Variants in GRAMD1C observed in about 807,000 individuals in gnomAD.
GRAMD1C encodes the protein GRAM domain containing 1C.
Under a neutral mutation model 97.8 loss-of-function variants are expected in GRAMD1C, and 89 were observed. The observed-to-expected ratio is 0.91, with a 90% CI of 0.77 to 1.09. The LOEUF (loss-of-function observed/expected upper bound fraction) is 1.09. Among genes scored for constraint, GRAMD1C ranks in the 50% least tolerant of loss-of-function variants. The pLI is 0.00. For synonymous variants in GRAMD1C, 256 were observed against 267.0 expected, an observed-to-expected ratio of 0.96 and a Z score of 0.40; for missense variants, 740 against 766.4, an observed-to-expected ratio of 0.97 and a Z score of 0.41.
chr3:113,931,555 C>G (rs1937423416), intron 11 of GRAMD1C, among the ~76,000 whole-genome samples: 1 of 151,986 alleles, frequency 6.6e-6, no homozygotes, highest in Non-Finnish European at 1.5e-5. Flanking sequence ...GACGGGGTTT[C>G]AGCATGTTGG....
In GRAMD1C at chr3:113,945,604, A is replaced by C. The variant is rs1000575504; in HGVS notation, c.*126A>C. The stretch of plus-strand genomic sequence containing the variant: ...TTTTTTCATTATTGAGATTTCTAAT[A>C]TGAACATTTCTTTCAGTAACATTTA... On this transcript the variant is annotated 3_prime_UTR_variant, in exon 18 of 18. Transcript: ENST00000358160. 13 of 606,176 alleles carry C rather than the reference A, an allele frequency of 2.1e-5. No individual in the cohort carries two copies. Among genetic ancestry groups the C allele is most frequent in the Middle Eastern group, 5.1e-4 (2 of 3,942 alleles). 37.5% of individuals were successfully genotyped at this position (606,176 alleles called of 1,614,324 possible). A position where few individuals can be genotyped will look rare whatever the true frequency, so the allele number is the denominator to read the frequency against.
intron 3 of GRAMD1C, among the ~76,000 whole-genome samples, chr3:113,870,947 G>C (rs1272843916): frequency 7.2e-6 from 1 of 138,106 alleles, no homozygotes; most frequent in Non-Finnish European, 1.5e-5. Context: ...CGAGACCTTG[G>C]CTCAACAAAT....
At chr3:113,899,594 T>C (rs1936072198) in intron 6 of GRAMD1C, among the ~76,000 whole-genome samples, 2 of 152,232 alleles carry the variant, frequency 1.3e-5, no homozygotes, top group Admixed American at 6.5e-5. Context: ...AGAGAGATTA[T>C]CTTACTAACA....
Position 113,838,832 on chromosome 3 carries a change from A to C in GRAMD1C, c.-78A>C. 2 of 1,079,174 alleles carry C rather than the reference A, an allele frequency of 1.9e-6. No homozygotes were observed. The highest frequency in any genetic ancestry group is 2.4e-6 in the Non-Finnish European group (2 of 850,848). The allele number at this position is 1,079,174 out of a possible 1,614,324, so 66.8% of individuals were successfully genotyped here. A position where few individuals can be genotyped will look rare whatever the true frequency, so the allele number is the denominator to read the frequency against. On this transcript the variant is annotated 5_prime_UTR_variant, in exon 1 of 18. Transcript: ENST00000358160. ...GAGGCGCGCGGAGCCTGTAACTCGC[A>C]GCGCGCGCTGGAGGTGGGCGCGGGG...
chr3:113,858,848 T>C (rs1377915583), intron 2 of GRAMD1C, among the ~76,000 whole-genome samples: 1 of 152,176 alleles, frequency 6.6e-6, no homozygotes, highest in Non-Finnish European at 1.5e-5. Context: ...TGTGAGCCAC[T>C]GTGCCTGGCC....
chr3:113,881,776 G>A (rs1935272159), intron 5 of GRAMD1C, among the ~76,000 whole-genome samples: 1 of 152,140 alleles, frequency 6.6e-6, no homozygotes, highest in South Asian at 2.1e-4. Context: ...AGCATGTATT[G>A]ATTGTTAGAT....
At chr3:113,918,196 G>A (rs959280379) in intron 10 of GRAMD1C, among the ~76,000 whole-genome samples, 2 of 152,074 alleles carry the variant, frequency 1.3e-5, no homozygotes, top group Non-Finnish European at 2.9e-5. Flanking sequence ...AATGTGGGAT[G>A]CCTGAGATAT....
At chr3:113,888,151 C>T (rs770296357) in intron 6 of GRAMD1C, among the ~76,000 whole-genome samples, 7 of 152,136 alleles carry the variant, frequency 4.6e-5, no homozygotes, top group Non-Finnish European at 1.0e-4. Context: ...TACCTTGATA[C>T]CAAAACCAGA....
chr3:113,879,014 G>C (rs2107392480), intron 5 of GRAMD1C, among the ~76,000 whole-genome samples: 1 of 152,166 alleles, frequency 6.6e-6, no homozygotes, highest in Non-Finnish European at 1.5e-5. Context: ...AGACCAGCCT[G>C]GCCAAAATGG....
Position 113,879,689 on chromosome 3 carries a change from C to CTTTT in GRAMD1C, c.460-3045_460-3042dup, listed in dbSNP as rs1187587255. 6.1e-5 allele frequency among the ~76,000 whole-genome samples: 8 copies of CTTTT among 131,954 alleles called. No individual in the cohort carries two copies. The East Asian group carries it at 1.3e-3, about 21-fold the overall frequency. The allele number at this position is 131,954 out of a possible 152,430, so 86.6% of individuals were successfully genotyped here. A position where few individuals can be genotyped will look rare whatever the true frequency, so the allele number is the denominator to read the frequency against. ...ACACTCCACACGGGATGACCTCTTC[C>CTTTT]TTTTTTTTTTTTTTTTTTTTTGAGA... is the stretch of plus-strand genomic sequence containing the variant. On this transcript the variant is annotated intron_variant, in intron 5 of 17. Coordinates refer to ENST00000358160, the MANE Select transcript of GRAMD1C (RefSeq NM_017577.5).
At chr3:113,913,230 C>A (rs901158476) in intron 9 of GRAMD1C, 1 of 527,202 alleles carries the variant, frequency 1.9e-6, no homozygotes, top group Non-Finnish European at 3.3e-6. Context: ...AATGGTCCTT[C>A]CAAAGTAGTT....
At chr3:113,836,936 G>C (rs1055725240), upstream of GRAMD1C, among the ~76,000 whole-genome samples, 3 of 151,898 alleles carry the variant, frequency 2.0e-5, no homozygotes, top group Admixed American at 2.0e-4. Flanking sequence ...GAGCCACCAC[G>C]CCCAGCTGCC....
intron 6 of GRAMD1C, among the ~76,000 whole-genome samples, chr3:113,888,907 A>G (rs931022216): frequency 1.3e-5 from 2 of 152,248 alleles, no homozygotes; most frequent in Non-Finnish European, 2.9e-5. Context: ...ATTAATGTAT[A>G]AATAAAATGT....
intron 2 of GRAMD1C, among the ~76,000 whole-genome samples, chr3:113,852,028 C>G (rs548163071): frequency 1.3e-5 from 2 of 152,206 alleles, no homozygotes; most frequent in Non-Finnish European, 2.9e-5. Context: ...ACCACCACTC[C>G]CGGCCTATTC....
In GRAMD1C at chr3:113,838,792, G is replaced by C. The variant is rs533689218; in HGVS notation, c.-118G>C. 5.5e-5 allele frequency: 36 copies of C among 652,932 alleles called. No homozygotes were observed. In the African/African-American group the frequency reaches 6.6e-4, roughly 12 times the overall value. 40.4% of individuals were successfully genotyped at this position (652,932 alleles called of 1,614,324 possible). On this transcript the variant is annotated 5_prime_UTR_variant, in exon 1 of 18. Transcript: ENST00000358160. The stretch of plus-strand genomic sequence containing the variant: ...CAAGGAGCTGCGGCTGGAAGTACTC[G>C]GAGGGCCGGCGGAGGAGGCGCGCGG...
At position 113,878,122 on chromosome 3, in the gene GRAMD1C, C is replaced by T. The variant is rs79167684; in HGVS notation, c.459+1862C>T. Among the ~76,000 whole-genome samples, 886 of 152,244 alleles carry T rather than the reference C, an allele frequency of 5.8e-3. 21 individuals carry two copies. Among genetic ancestry groups the T allele is most frequent in the East Asian group, 0.038 (196 of 5,184 alleles). On this transcript the variant is annotated intron_variant, in intron 5 of 17. Coordinates refer to ENST00000358160, the MANE Select transcript of GRAMD1C (RefSeq NM_017577.5). ...AAACTATGCAGATATACCATTCTTA[C>T]CATACTTTGAATTTATTCATTCCTT...
chr3:113,856,861 A>T (rs9829934), intron 2 of GRAMD1C, among the ~76,000 whole-genome samples: 17,140 of 144,522 alleles, frequency 0.12, 1,304 homozygotes, highest in African/African-American at 0.22. Context: ...TTTTTTTTTT[A>T]AAAGATCTGG....
intron 1 of GRAMD1C, among the ~76,000 whole-genome samples, chr3:113,840,521 G>A (rs148988495): frequency 4.6e-5 from 7 of 151,926 alleles, no homozygotes; most frequent in Non-Finnish European, 8.8e-5. Context: ...AAGAAGTATC[G>A]CTTGAGGACA....
chr3:113,942,324 T>A (rs1241370941), intron 17 of GRAMD1C, among the ~76,000 whole-genome samples: 1 of 152,182 alleles, frequency 6.6e-6, no homozygotes, highest in Non-Finnish European at 1.5e-5. Context: ...TGCATCAAGA[T>A]CTTCACCCTC....
Sources: gnomAD v4.1 joint callset for allele counts (sites outside exome capture counted in the v4.1 genomes callset) on GRCh38, gnomAD v4.1.1 for gene constraint, MANE v1.5 for transcripts, NCBI Gene and HGNC (gene_info 2026-07-23, HGNC 2026-07-21) for gene names.